The following ROR1 variants were observed in gnomAD, a reference collection of about 807,000 sequenced individuals.
The protein encoded by ROR1 is ROR family WNT receptor 1, also known as inactive tyrosine-protein kinase transmembrane receptor ROR1.
A neutral mutation model predicts 78.8 loss-of-function variants in ROR1; 19 were observed. The observed-to-expected ratio is 0.24, with a 90% CI of 0.17 to 0.35. The LOEUF (loss-of-function observed/expected upper bound fraction) is 0.35. Ranked by LOEUF, ROR1 falls within the 10% of genes least tolerant of loss-of-function variation. The pLI, the probability that ROR1 is intolerant of heterozygous loss-of-function variation, is 1.00. For synonymous variants in ROR1, 386 were observed against 433.6 expected (o/e 0.89, Z 1.36); for missense variants, 917 against 1,177.8 (o/e 0.78, Z 3.24).
At chr1:63,929,266 A>T (rs1645732573) in intron 1 of ROR1, among the ~76,000 whole-genome samples, 1 of 152,122 alleles carries the variant, frequency 6.6e-6, no homozygotes, top group African/African-American at 2.4e-5. Context: ...ATGATTCCTG[A>T]CCTTGGGGAA....
chr1:63,883,807 C>T (rs556527768), intron 1 of ROR1, among the ~76,000 whole-genome samples: 3 of 152,282 alleles, frequency 2.0e-5, no homozygotes, highest in South Asian at 2.1e-4. Flanking sequence ...CCCACCATCA[C>T]GATACACCTT....
chr1:63,884,538 C>G (rs1026910718), intron 1 of ROR1, among the ~76,000 whole-genome samples: 3 of 152,204 alleles, frequency 2.0e-5, no homozygotes, highest in Non-Finnish European at 2.9e-5. Context: ...TAGTTGGTGA[C>G]AGGGACTGCA....
At chr1:63,777,204 A>G (rs1644622229) in intron 1 of ROR1, among the ~76,000 whole-genome samples, 1 of 152,106 alleles carries the variant, frequency 6.6e-6, no homozygotes, top group South Asian at 2.1e-4. Flanking sequence ...GCCTTTCTCA[A>G]AATCTTATAG....
In ROR1 at chr1:64,003,123, G is replaced by T. The variant is rs1323506742; in HGVS notation, c.92-6182G>T. Among the ~76,000 whole-genome samples the T allele has an allele frequency of 2.6e-5, 4 of 151,924 alleles. No individual in the cohort carries two copies. The East Asian group carries it at 5.8e-4, about 22-fold the overall frequency. On this transcript the variant is annotated intron_variant, in intron 1 of 8. Coordinates refer to ENST00000371079, the MANE Select transcript of ROR1 (RefSeq NM_005012.4). ...CCTACCTTATAGACTGTTGACGGTT[G>T]AGAAGATCTCTGAGCACAAGCAGAG...
At chr1:64,119,429 A>G (rs190272636) in intron 4 of ROR1, among the ~76,000 whole-genome samples, 125 of 152,164 alleles carry the variant, frequency 8.2e-4, no homozygotes, top group African/African-American at 2.9e-3. Context: ...TCATGAGGTC[A>G]GCAGTTCCAG....
chr1:64,116,618 T>C (rs1250056845), intron 4 of ROR1, among the ~76,000 whole-genome samples: 11 of 152,322 alleles, frequency 7.2e-5, no homozygotes, highest in African/African-American at 2.2e-4. Context: ...TTGCCTCTGC[T>C]TGCTGGGAAT....
In ROR1 at chr1:64,178,317, C is replaced by T; in HGVS notation, c.2276C>T (p.Thr759Ile). 6.2e-7 allele frequency: 1 copy of T among 1,614,176 alleles called. No homozygotes were observed. Among genetic ancestry groups the T allele is most frequent in the Non-Finnish European group, 8.5e-7 (1 of 1,180,032 alleles). ...WEGLSSHTSS[T>I]TPSGGNATTQ... ...GGACTCTCAAGTCACACAAGCTCTA[C>T]TACTCCTTCAGGGGGAAATGCCACC... Residue 759 changes from threonine to isoleucine, a missense_variant, in exon 9 of 9, where the codon ACT (threonine) becomes ATT (isoleucine). Thr to Ile is a moderately conservative substitution (Grantham distance 89). This residue lies in a region of ROR1 where 835 missense variants were observed against 1,069.8 expected (regional missense o/e 0.78). Coordinates refer to ENST00000371079, the MANE Select transcript of ROR1 (RefSeq NM_005012.4). This position sits in a 1 kb window ranked among gnomAD's most constrained non-coding sequence, Gnocchi z 4.3.
intron 4 of ROR1, among the ~76,000 whole-genome samples, chr1:64,077,990 G>A (rs1397411215): frequency 6.6e-6 from 1 of 152,160 alleles, no homozygotes; most frequent in Non-Finnish European, 1.5e-5. Flanking sequence ...ACTCTCTGGT[G>A]TACTGGCAAA....
At chr1:64,041,102 G>A (rs1646742246) in intron 2 of ROR1, among the ~76,000 whole-genome samples, 1 of 152,170 alleles carries the variant, frequency 6.6e-6, no homozygotes, top group African/African-American at 2.4e-5. Context: ...CAATGGAACT[G>A]AGTTCCAGTC....
chr1:64,066,824 T>C (rs1004349443), intron 4 of ROR1: 7 of 152,204 alleles, frequency 4.6e-5, no homozygotes, highest in Admixed American at 6.5e-5. Context: ...TCCAAAATAT[T>C]ATTTCAACAT....
At chr1:64,152,144 T>A (rs1557676168) in intron 7 of ROR1, among the ~76,000 whole-genome samples, 1 of 152,194 alleles carries the variant, frequency 6.6e-6, no homozygotes, top group Non-Finnish European at 1.5e-5. Flanking sequence ...CTGATTCCAA[T>A]TTTTTAAAAA....
intron 4 of ROR1, among the ~76,000 whole-genome samples, chr1:64,111,657 C>A (rs1371039520): frequency 6.6e-6 from 1 of 152,126 alleles, no homozygotes; most frequent in Admixed American, 6.5e-5. Context: ...GAGAAGATAG[C>A]CTTGGGCTAT....
chr1:63,828,993 A>G (rs1644971099), intron 1 of ROR1, among the ~76,000 whole-genome samples: 1 of 152,156 alleles, frequency 6.6e-6, no homozygotes, highest in African/African-American at 2.4e-5. Context: ...TCGCCATCTG[A>G]TAAACTGATA....
At position 64,014,752 on chromosome 1, in the gene ROR1, A is replaced by G. The variant is rs1263341950; in HGVS notation, c.163+5376A>G. ...ACACATACGCACACTATATATATAT[A>G]TATATATATATATATATATATACAC... On this transcript the variant is annotated intron_variant, in intron 2 of 8. Transcript: ENST00000371079. Among the ~76,000 whole-genome samples, 25 of 32,520 alleles carry G rather than the reference A, an allele frequency of 7.7e-4. 5 individuals are homozygous for G. In the Admixed American group the frequency reaches 0.011, roughly 14 times the overall value. The allele number at this position is 32,520 out of a possible 152,430, so 21.3% of individuals were successfully genotyped here.
intron 1 of ROR1, among the ~76,000 whole-genome samples, chr1:63,851,509 G>T (rs675893): frequency 0.21 from 31,872 of 152,006 alleles, 7,052 homozygotes; most frequent in African/African-American, 0.56. Flanking sequence ...GAAGTCACCT[G>T]CAAAATTCTA....
chr1:63,858,704 C>T (rs1645162937), intron 1 of ROR1, among the ~76,000 whole-genome samples: 1 of 152,162 alleles, frequency 6.6e-6, no homozygotes, highest in South Asian at 2.1e-4. Context: ...CCTAGTGCCT[C>T]AGTGACCTAG....
At chr1:63,804,516 T>A (rs1331305072) in intron 1 of ROR1, among the ~76,000 whole-genome samples, 1 of 152,218 alleles carries the variant, frequency 6.6e-6, no homozygotes, top group Non-Finnish European at 1.5e-5. Flanking sequence ...TTGTAAAGCC[T>A]CCTTCCTAGA....
chr1:63,986,795 G>C (rs1646256419), intron 1 of ROR1, among the ~76,000 whole-genome samples: 1 of 151,680 alleles, frequency 6.6e-6, no homozygotes, highest in Non-Finnish European at 1.5e-5. Flanking sequence ...TACTCTGAAG[G>C]CTAAGGCAGG....
chr1:64,165,619 G>A lies in ROR1; in HGVS notation c.1386+6427G>A, dbSNP rs370425096. On this transcript the variant is annotated intron_variant, in intron 8 of 8. Transcript: ENST00000371079. ...GGTTTTGATTGCTTTTGGTGTCTTCGTCATGAAATCTTTGCCTGTGCCTAT... is the reference window on the plus strand; with the variant it reads ...GGTTTTGATTGCTTTTGGTGTCTTCATCATGAAATCTTTGCCTGTGCCTAT... 3.5e-4 allele frequency among the ~76,000 whole-genome samples: 53 copies of A among 151,124 alleles called. 3 individuals carry two copies. The South Asian group carries it at 4.8e-3, about 14-fold the overall frequency.
Sources: allele counts gnomAD v4.1 joint callset (sites outside exome capture counted in the v4.1 genomes callset), GRCh38; gene constraint gnomAD v4.1.1; regional missense constraint gnomAD v4.1.1; non-coding constraint Gnocchi (gnomAD v3.1); transcripts MANE v1.5; gene names NCBI Gene and HGNC (gene_info 2026-07-23, HGNC 2026-07-21).